Variants in ZNF287 observed in about 807,000 individuals in gnomAD.
ZNF287 encodes zinc finger protein with KRAB and SCAN domains 13.
Under a neutral mutation model 73.7 loss-of-function variants are expected in ZNF287, and 31 were observed. That is an observed-to-expected ratio of 0.42 (90% CI 0.32 to 0.57). The LOEUF is 0.57. Among genes scored for constraint, ZNF287 ranks in the 20% least tolerant of loss-of-function variants. The pLI is 0.13. For synonymous variants in ZNF287, 301 were observed against 307.2 expected (o/e 0.98, Z 0.21); for missense variants, 641 against 909.3 (o/e 0.70, Z 3.79).
intron 5 of ZNF287, chr17:16,557,992 TAAA>T (rs765516122): frequency 6.6e-6 from 1 of 152,162 alleles, no homozygotes; most frequent in Non-Finnish European, 1.5e-5. Flanking sequence ...TCTGATGATC[TAAA>T]AAACTCCTCA....
intron 5 of ZNF287, among the ~76,000 whole-genome samples, chr17:16,555,943 A>G (rs893811078): frequency 6.6e-6 from 1 of 152,210 alleles, no homozygotes; most frequent in African/African-American, 2.4e-5. Flanking sequence ...TATCCATTCA[A>G]TTGAGTAATA....
intron 1 of ZNF287, 51 bp from the exon 2 acceptor site, chr17:16,567,980 T>C: frequency 7.5e-7 from 1 of 1,334,698 alleles, no homozygotes. Context: ...TGTACTCTAC[T>C]ATACATATAC....
chr17:16,562,180 GA>G (rs1281537288), intron 5 of ZNF287, among the ~76,000 whole-genome samples: 6 of 151,022 alleles, frequency 4.0e-5, no homozygotes, highest in Non-Finnish European at 5.9e-5. Flanking sequence ...AATAAGCAAG[GA>G]ATGAGAATGA....
At chr17:16,566,500 A>C (rs1439817853) in intron 3 of ZNF287, 25 bp downstream of exon 3, 1 of 1,598,474 alleles carries the variant, frequency 6.3e-7, no homozygotes, top group African/African-American at 1.3e-5. Flanking sequence ...GGCATTTTAA[A>C]ATCAGAAAAG....
chr17:16,551,706 G>A lies in ZNF287; in HGVS notation c.*150C>T. ...TTAAATTTCACATTAAATCTAAATA[G>A]GTTATATCCATACCACTACTTCTGA... On this transcript the variant is annotated 3_prime_UTR_variant, in exon 6 of 6. Coordinates refer to ENST00000395825, the MANE Select transcript of ZNF287 (RefSeq NM_020653.4). 1.3e-6 allele frequency: 1 copy of A among 745,156 alleles called. No homozygotes were observed. The allele number at this position is 745,156 out of a possible 1,614,324, so 46.2% of individuals were successfully genotyped here.
At chr17:16,564,297 C>T (rs1186549308) in intron 3 of ZNF287, among the ~76,000 whole-genome samples, 2 of 152,140 alleles carry the variant, frequency 1.3e-5, no homozygotes, top group African/African-American at 4.8e-5. Context: ...AACTCCTGGG[C>T]AGAAGTGATC....
intron 2 of ZNF287, 107 bp from the exon 3 acceptor site, chr17:16,566,729 G>A (rs953841288): frequency 5.5e-6 from 4 of 726,120 alleles, no homozygotes; most frequent in Non-Finnish European, 2.2e-6. Context: ...AAGTAAGAAG[G>A]AAATCAAAAA....
Position 16,552,025 on chromosome 17 carries a change from C to T in ZNF287, c.2117G>A (p.Cys706Tyr). 1.2e-6 allele frequency: 2 copies of T among 1,614,066 alleles called. No homozygotes were observed. The change falls in exon 6 of 6, where the codon TGT becomes TAT. Residue 706 changes from cysteine to tyrosine, a missense_variant. Cys to Tyr is a radical substitution (Grantham distance 194). This residue lies in a region of ZNF287 where 284 missense variants were observed against 466.8 expected (regional missense o/e 0.61). Coordinates refer to ENST00000395825, the MANE Select transcript of ZNF287 (RefSeq NM_020653.4). The surrounding 1 kb of genome is among the most constrained non-coding windows in gnomAD (Gnocchi z 6.5). ...GCTAAAATCCTTATCACATTCATTACATTTATAGGGTCTCTCTCCAGTATG... is the reference window on the plus strand; with the variant it reads ...GCTAAAATCCTTATCACATTCATTATATTTATAGGGTCTCTCTCCAGTATG... The part of the protein sequence containing the change: ...RTHTGERPYK[C>Y]NECDKDFSQR...
intron 5 of ZNF287, among the ~76,000 whole-genome samples, chr17:16,554,895 G>A (rs146603185): frequency 6.6e-6 from 1 of 152,290 alleles, no homozygotes; most frequent in East Asian, 1.9e-4. Context: ...ACTCTAGCCT[G>A]GATGACAGAG....
intron 3 of ZNF287, among the ~76,000 whole-genome samples, chr17:16,565,817 T>G (rs540112391): frequency 2.8e-4 from 42 of 152,042 alleles, no homozygotes; most frequent in Non-Finnish European, 5.1e-4. Context: ...CGAAACCCTG[T>G]CTCTACTAAA....
At chr17:16,559,572 AACACACAC>A (rs148356389) in intron 5 of ZNF287, among the ~76,000 whole-genome samples, 5 of 147,386 alleles carry the variant, frequency 3.4e-5, no homozygotes, top group Admixed American at 1.4e-4. Flanking sequence ...TAAAAGAACT[AACACACAC>A]ACACACACAC....
In ZNF287 at chr17:16,552,558, T is replaced by C. The variant is rs1906748088; in HGVS notation, c.1584A>G (p.Lys528=). ...SQSTHLLQHQ[K]IHTGKKPYKC... ...TATATGGTTTCTTCCCAGTATGTAT[T>C]TTTTGATGCTGAAGAAGGTGTGTAC... Residue 528 remains lysine (K), a synonymous_variant, in exon 6 of 6, where the codon AAA becomes AAG. Coordinates refer to ENST00000395825, the MANE Select transcript of ZNF287 (RefSeq NM_020653.4). The surrounding 1 kb of genome is among the most constrained non-coding windows in gnomAD (Gnocchi z 6.5). 1 of 1,614,010 alleles carries C rather than the reference T, an allele frequency of 6.2e-7. No individual in the cohort carries two copies. The highest frequency in any genetic ancestry group is 1.7e-5 in the Admixed American group (1 of 60,008).
In ZNF287 at chr17:16,552,787, T is replaced by C. The variant is rs1167603851; in HGVS notation, c.1355A>G (p.Tyr452Cys). Residue 452 changes from tyrosine (Y) to cysteine (C), a missense_variant, in exon 6 of 6, where the codon TAT becomes TGT. Physicochemically the swap from Tyr to Cys is radical, Grantham distance 194. Around this residue, in one of 2 missense-constraint regions of ZNF287, gnomAD observed 284 missense variants for 466.8 expected, o/e 0.61. Coordinates refer to ENST00000395825, the MANE Select transcript of ZNF287 (RefSeq NM_020653.4). The surrounding 1 kb of genome is among the most constrained non-coding windows in gnomAD (Gnocchi z 6.5). ...HQRIHTGEKP[Y>C]KCDDCGKDFS... ...GTCTTTCCCACAGTCATCACACTTA[T>C]AGGGTTTCTCTCCAGTATGAATTCT... 8 of 1,614,026 alleles carry C rather than the reference T, an allele frequency of 5.0e-6. No individual in the cohort carries two copies. Among genetic ancestry groups the C allele is most frequent in the African/African-American group, 2.7e-5 (2 of 74,924 alleles).
Position 16,567,946 on chromosome 17 carries a change from G to A in ZNF287, c.-198-17C>T. 3 of 1,406,530 alleles carry A rather than the reference G, an allele frequency of 2.1e-6. No individual in the cohort carries two copies. Among genetic ancestry groups the A allele is most frequent in the Non-Finnish European group, 2.8e-6 (3 of 1,084,884 alleles). 87.1% of individuals were successfully genotyped at this position (1,406,530 alleles called of 1,614,324 possible). A position where few individuals can be genotyped will look rare whatever the true frequency, so the allele number is the denominator to read the frequency against. Reference sequence around the variant, plus strand: ...TAAGAGACCCTGAAACACAAGCATGGACCACAAGGTCAAGAATCCCTGGTG... The same window carrying A: ...TAAGAGACCCTGAAACACAAGCATGAACCACAAGGTCAAGAATCCCTGGTG... On this transcript the variant is annotated splice_polypyrimidine_tract_variant and intron_variant, in intron 1 of 5. Coordinates refer to ENST00000395825, the MANE Select transcript of ZNF287 (RefSeq NM_020653.4).
At position 16,552,555 on chromosome 17, in the gene ZNF287, T is replaced by G; in HGVS notation, c.1587A>C (p.Ile529=). Reference sequence around the variant, plus strand: ...ATTTATATGGTTTCTTCCCAGTATGTATTTTTTGATGCTGAAGAAGGTGTG... The same window carrying G: ...ATTTATATGGTTTCTTCCCAGTATGGATTTTTTGATGCTGAAGAAGGTGTG... ...QSTHLLQHQK[I]HTGKKPYKCN... is the part of the protein sequence containing the mutation. Residue 529 remains isoleucine, a synonymous_variant, in exon 6 of 6, where the codon ATA becomes ATC. Transcript: ENST00000395825. The surrounding 1 kb of genome is among the most constrained non-coding windows in gnomAD (Gnocchi z 6.5). The G allele has an allele frequency of 6.2e-7, 1 of 1,614,126 alleles. No individual in the cohort carries two copies. The highest frequency in any genetic ancestry group is 8.5e-7 in the Non-Finnish European group (1 of 1,179,986).
chr17:16,561,060 A>G (rs1271235690), intron 5 of ZNF287, among the ~76,000 whole-genome samples: 1 of 151,842 alleles, frequency 6.6e-6, no homozygotes, highest in Non-Finnish European at 1.5e-5. Flanking sequence ...TCACGCCTGT[A>G]ATCTCAGCAC....
intron 3 of ZNF287, among the ~76,000 whole-genome samples, chr17:16,564,076 G>C (rs1907607037): frequency 6.6e-6 from 1 of 152,142 alleles, no homozygotes; most frequent in African/African-American, 2.4e-5. Flanking sequence ...ATTGGTGGCA[G>C]CTCCATTTTA....
Position 16,551,106 on chromosome 17 carries a change from T to A in ZNF287, c.*750A>T, listed in dbSNP as rs539988124. Among the ~76,000 whole-genome samples, 6 of 150,632 alleles carry A rather than the reference T, an allele frequency of 4.0e-5. No homozygotes were observed. In the East Asian group the frequency reaches 1.2e-3, roughly 29 times the overall value. On this transcript the variant is annotated 3_prime_UTR_variant, in exon 6 of 6. Transcript: ENST00000395825. ...GAAATCTTTAAGATACTTCCAACTG[T>A]TTTTTTTTCAAACCTACTGGCTCCA...
intron 2 of ZNF287, 66 bp from the exon 3 acceptor site, chr17:16,566,688 C>A: frequency 9.3e-7 from 1 of 1,071,332 alleles, no homozygotes; most frequent in Non-Finnish European, 1.4e-6. Flanking sequence ...AACCCCTCAC[C>A]AAATAGATGC....
Sources: allele counts gnomAD v4.1 joint callset (sites outside exome capture counted in the v4.1 genomes callset), GRCh38; gene constraint gnomAD v4.1.1; regional missense constraint gnomAD v4.1.1; non-coding constraint Gnocchi (gnomAD v3.1); transcripts MANE v1.5; gene names NCBI Gene and HGNC (gene_info 2026-07-23, HGNC 2026-07-21).